Variants in JAM2 observed in about 807,000 individuals in gnomAD.
JAM2 encodes junctional adhesion molecule B.
A neutral mutation model predicts 42.0 loss-of-function variants in JAM2; 17 were observed. The observed-to-expected ratio is 0.40, with a 90% CI of 0.28 to 0.61. JAM2 has a LOEUF of 0.61. JAM2 is among the 20% of genes least tolerant of loss of function. The probability of loss-of-function intolerance (pLI) is 0.37; values close to 1 mark genes in which losing one functional copy is unlikely to be tolerated. For missense variants in JAM2, 319 were observed against 358.3 expected, an observed-to-expected ratio of 0.89 and a Z score of 0.89; for synonymous variants, 118 against 128.6, an observed-to-expected ratio of 0.92 and a Z score of 0.56.
At chr21:25,710,697 A>G (rs1021927511) in intron 8 of JAM2, among the ~76,000 whole-genome samples, 6 of 152,220 alleles carry the variant, frequency 3.9e-5, no homozygotes, top group Non-Finnish European at 4.4e-5. Context: ...AGAGGAGATG[A>G]GCGTACAAAA....
At chr21:25,686,558 C>T (rs2033755807) in intron 2 of JAM2, among the ~76,000 whole-genome samples, 1 of 152,224 alleles carries the variant, frequency 6.6e-6, no homozygotes, top group Non-Finnish European at 1.5e-5. Flanking sequence ...TATCACTTCC[C>T]ATGATAGTGC....
chr21:25,687,172 A>G (rs1010035647), intron 2 of JAM2, among the ~76,000 whole-genome samples: 8 of 152,204 alleles, frequency 5.3e-5, no homozygotes, highest in Admixed American at 3.9e-4. Context: ...ACTAAGAGAA[A>G]TTCTTCAAGG....
chr21:25,687,156 A>G (rs1306523506), intron 2 of JAM2, among the ~76,000 whole-genome samples: 1 of 152,196 alleles, frequency 6.6e-6, no homozygotes, highest in Non-Finnish European at 1.5e-5. Context: ...CAAGCTTGCA[A>G]CTATAACTAA....
At chr21:25,712,154 CTT>C (rs2123421569) in intron 8 of JAM2, 184 bp from the exon 9 acceptor site, 1 of 623,168 alleles carries the variant, frequency 1.6e-6, no homozygotes, top group Admixed American at 2.3e-5. Context: ...TGTTGCATGA[CTT>C]TCTCTGTGAA....
chr21:25,693,964 C>A, intron 4 of JAM2, 56 bp downstream of exon 4: 1 of 1,565,256 alleles, frequency 6.4e-7, no homozygotes, highest in South Asian at 1.2e-5. Context: ...ACCACCCAGC[C>A]CTGGGGGCAA....
At chr21:25,707,546 T>A (rs1038609924) in intron 7 of JAM2, among the ~76,000 whole-genome samples, 1 of 152,228 alleles carries the variant, frequency 6.6e-6, no homozygotes, top group African/African-American at 2.4e-5. Context: ...TTATGAGAGC[T>A]ACTTCTGTAC....
chr21:25,695,594 G>C (rs1054510231), intron 4 of JAM2, among the ~76,000 whole-genome samples: 45 of 149,938 alleles, frequency 3.0e-4, no homozygotes, highest in African/African-American at 1.1e-3. Flanking sequence ...GGCGGCGGCC[G>C]GGCAGAGGCG....
At chr21:25,664,173 A>G (rs1815687917) in intron 1 of JAM2, among the ~76,000 whole-genome samples, 1 of 152,252 alleles carries the variant, frequency 6.6e-6, no homozygotes, top group African/African-American at 2.4e-5. Context: ...CTATCATTGT[A>G]TCGCCAATAA....
intron 1 of JAM2, among the ~76,000 whole-genome samples, chr21:25,659,594 C>T (rs928519983): frequency 4.6e-5 from 7 of 152,064 alleles, no homozygotes; most frequent in African/African-American, 1.2e-4. Flanking sequence ...GGTTCAGGCA[C>T]TTATAGTTTA....
At chr21:25,679,992 C>T (rs2033590662) in intron 1 of JAM2, among the ~76,000 whole-genome samples, 2 of 152,036 alleles carry the variant, frequency 1.3e-5, no homozygotes. Flanking sequence ...GTTTTCCCAC[C>T]CTCAAAAATG....
intron 7 of JAM2, among the ~76,000 whole-genome samples, chr21:25,706,789 G>C (rs2034280417): frequency 6.6e-6 from 1 of 152,100 alleles, no homozygotes; most frequent in Non-Finnish European, 1.5e-5. Flanking sequence ...GCCCAGGCTG[G>C]AGTGCAGTAG....
intron 2 of JAM2, among the ~76,000 whole-genome samples, chr21:25,685,570 GTAATT>G (rs2033733883): frequency 7.0e-6 from 1 of 142,588 alleles, no homozygotes; most frequent in African/African-American, 2.6e-5. Context: ...TAAAAAATGA[GTAATT>G]TAATAACAAA....
At chr21:25,660,301 A>G (rs1468997137) in intron 1 of JAM2, among the ~76,000 whole-genome samples, 2 of 152,194 alleles carry the variant, frequency 1.3e-5, no homozygotes, top group African/African-American at 2.4e-5. Context: ...AAAAATTACC[A>G]TTATGGTCAC....
intron 7 of JAM2, among the ~76,000 whole-genome samples, chr21:25,708,986 G>A (rs1357537275): frequency 6.6e-6 from 1 of 151,890 alleles, no homozygotes; most frequent in Non-Finnish European, 1.5e-5. Context: ...TTTTTCTATG[G>A]CCTATGAACA....
At chr21:25,643,656 T>G in intron 1 of JAM2, 1 of 152,244 alleles carries the variant, frequency 6.6e-6, no homozygotes, top group East Asian at 1.9e-4. Flanking sequence ...CTCAATTATC[T>G]GATGAACAGA....
intron 2 of JAM2, among the ~76,000 whole-genome samples, chr21:25,686,440 G>A (rs547273140): frequency 7.0e-6 from 1 of 142,618 alleles, no homozygotes; most frequent in South Asian, 2.3e-4. Context: ...TTTATGATTT[G>A]TGTATATGTG....
chr21:25,647,751 G>A (rs1229646648), intron 1 of JAM2, among the ~76,000 whole-genome samples: 2 of 152,192 alleles, frequency 1.3e-5, no homozygotes, highest in Non-Finnish European at 2.9e-5. Flanking sequence ...ACCCAGAGAG[G>A]ACAGAGACAC....
rs752651976 is a variant in JAM2, at chr21:25,706,025, C to T, written c.744C>T (p.Ala248=). 3.5e-5 allele frequency: 56 copies of T among 1,613,948 alleles called. No homozygotes were observed. Among genetic ancestry groups the T allele is most frequent in the Non-Finnish European group, 4.6e-5 (54 of 1,179,874 alleles). The change falls in exon 7 of 10, where the codon GCC becomes GCT. Residue 248 remains alanine (A), a synonymous_variant. Coordinates refer to ENST00000480456, the MANE Select transcript of JAM2 (RefSeq NM_021219.4). ...SGIIAAVVVV[A]LVISVCGLGV... is the part of the protein sequence containing the mutation. ...TCATAGCAGCCGTAGTAGTTGTGGC[C>T]TTAGTGATTTCCGTTTGTGGCCTTG...
At chr21:25,641,342 A>G (rs1309733264) in intron 1 of JAM2, among the ~76,000 whole-genome samples, 1 of 152,212 alleles carries the variant, frequency 6.6e-6, no homozygotes, top group African/African-American at 2.4e-5. Context: ...TGCTATTCCT[A>G]TTGAATCACC....
Sources: allele counts gnomAD v4.1 joint callset (sites outside exome capture counted in the v4.1 genomes callset), GRCh38; gene constraint gnomAD v4.1.1; transcripts MANE v1.5; gene names NCBI Gene and HGNC (gene_info 2026-07-23, HGNC 2026-07-21).